Variants in TENM2 observed in about 807,000 individuals in gnomAD.
The protein encoded by TENM2 is teneurin-2.
A neutral mutation model predicts 245.2 loss-of-function variants in TENM2; 52 were observed. That is an observed-to-expected ratio of 0.21 (90% CI 0.17 to 0.27). TENM2 has a LOEUF of 0.27. TENM2 is among the 10% of genes least tolerant of loss of function. TENM2 has a pLI of 1.00. For synonymous variants in TENM2, 1,363 were observed against 1,438.9 expected (o/e 0.95, Z 1.19); for missense variants, 3,046 against 3,666.8 (o/e 0.83, Z 4.37).
intron 2 of TENM2, among the ~76,000 whole-genome samples, chr5:167,694,266 T>C (rs1311137799): frequency 2.0e-5 from 3 of 152,132 alleles, no homozygotes; most frequent in African/African-American, 7.2e-5. Flanking sequence ...TGGCCTTATG[T>C]TGGAAGCACC....
intron 1 of TENM2, among the ~76,000 whole-genome samples, chr5:167,313,983 G>T (rs1756198871): frequency 6.6e-6 from 1 of 152,088 alleles, no homozygotes; most frequent in South Asian, 2.1e-4. Flanking sequence ...TTCATGCTCA[G>T]CAAGACCCTC....
chr5:167,827,289 T>G (rs2151072240), intron 2 of TENM2, among the ~76,000 whole-genome samples: 1 of 152,328 alleles, frequency 6.6e-6, no homozygotes, highest in East Asian at 1.9e-4. Context: ...GCTCTTGGTT[T>G]GAGTCCTCAG....
At chr5:167,741,800 G>T (rs1016445802) in intron 2 of TENM2, among the ~76,000 whole-genome samples, 2 of 152,094 alleles carry the variant, frequency 1.3e-5, no homozygotes, top group Non-Finnish European at 2.9e-5. Context: ...CATTCCCAAT[G>T]TATCTAAAAG....
chr5:167,432,528 T>C (rs1368702330), intron 2 of TENM2, among the ~76,000 whole-genome samples: 3 of 151,828 alleles, frequency 2.0e-5, no homozygotes, highest in Non-Finnish European at 2.9e-5. Context: ...ACGCTTATTT[T>C]ATTTTGATTC....
chr5:168,035,496 CAA>C (rs397949588), intron 5 of TENM2, among the ~76,000 whole-genome samples: 38 of 69,208 alleles, frequency 5.5e-4, no homozygotes, highest in Admixed American at 9.7e-4. Flanking sequence ...GACCCTGTCT[CAA>C]AAAAAAAAAA....
At chr5:167,240,193 T>C in the TENM2 span, among the ~76,000 whole-genome samples, 1 of 152,256 alleles carries the variant, frequency 6.6e-6, no homozygotes, top group South Asian at 2.1e-4. Context: ...CATGACTAAA[T>C]AATATGAACA....
intron 2 of TENM2, among the ~76,000 whole-genome samples, chr5:167,417,527 T>C (rs1436708425): frequency 6.6e-6 from 1 of 152,212 alleles, no homozygotes; most frequent in Non-Finnish European, 1.5e-5. Flanking sequence ...CTCTCCTCTA[T>C]CTTACCCTTT....
intron 2 of TENM2, among the ~76,000 whole-genome samples, chr5:167,704,195 G>A (rs930671161): frequency 2.6e-5 from 4 of 152,116 alleles, no homozygotes; most frequent in Non-Finnish European, 5.9e-5. Flanking sequence ...TAGCTGGAGG[G>A]AGGATGCATC....
intron 2 of TENM2, among the ~76,000 whole-genome samples, chr5:167,584,838 G>A (rs11742457): frequency 0.52 from 79,684 of 151,808 alleles, 24,256 homozygotes; most frequent in Middle Eastern, 0.67. Flanking sequence ...GGGACTACAG[G>A]CGCCCGCCAC....
chr5:167,023,575 T>C, the TENM2 span, among the ~76,000 whole-genome samples: 1 of 152,234 alleles, frequency 6.6e-6, no homozygotes, highest in African/African-American at 2.4e-5. Context: ...CATTCTTTTG[T>C]TCCTGTATCT....
chr5:167,754,393 G>T (rs545853283), intron 2 of TENM2, among the ~76,000 whole-genome samples: 1 of 152,156 alleles, frequency 6.6e-6, no homozygotes, highest in Non-Finnish European at 1.5e-5. Flanking sequence ...TTTCACAACA[G>T]GTAGTTAAAA....
At chr5:167,463,734 G>A (rs1028449433) in intron 2 of TENM2, among the ~76,000 whole-genome samples, 18 of 152,220 alleles carry the variant, frequency 1.2e-4, no homozygotes, top group African/African-American at 3.9e-4. Context: ...GGCCTCAGGC[G>A]ATCTGCCTGC....
chr5:167,394,270 C>A (rs1315548939), intron 2 of TENM2, among the ~76,000 whole-genome samples: 1 of 152,062 alleles, frequency 6.6e-6, no homozygotes, highest in African/African-American at 2.4e-5. Context: ...CATTTTAAGT[C>A]TGTAATCATT....
the TENM2 span, among the ~76,000 whole-genome samples, chr5:167,262,621 G>C: frequency 1.3e-5 from 2 of 152,108 alleles, no homozygotes; most frequent in African/African-American, 4.8e-5. Flanking sequence ...CTTAGTAGCT[G>C]CTTAGCAAAC....
intron 5 of TENM2, among the ~76,000 whole-genome samples, chr5:168,042,826 C>T (rs888299535): frequency 5.9e-5 from 9 of 152,110 alleles, no homozygotes; most frequent in African/African-American, 1.9e-4. Flanking sequence ...TCCAATTAGC[C>T]GGAGGGATAC....
chr5:167,499,886 G>A (rs1183769979), intron 2 of TENM2, among the ~76,000 whole-genome samples: 2 of 150,990 alleles, frequency 1.3e-5, no homozygotes, highest in African/African-American at 4.9e-5. Flanking sequence ...ATATGTGTGT[G>A]TGTGTATATG....
At chr5:167,276,349 ATT>A in the TENM2 span, among the ~76,000 whole-genome samples, 8,288 of 62,500 alleles carry the variant, frequency 0.13, 374 homozygotes, top group Admixed American at 0.31. Flanking sequence ...GAGCCTGTTC[ATT>A]TTGTGTGTGT....
At chr5:166,980,258 T>C in the TENM2 span, among the ~76,000 whole-genome samples, 2 of 152,074 alleles carry the variant, frequency 1.3e-5, no homozygotes, top group African/African-American at 2.4e-5. Context: ...AAGAGGGAGA[T>C]TGCTGGTACT....
At chr5:167,897,638 A>G (rs1356662698) in intron 3 of TENM2, among the ~76,000 whole-genome samples, 1 of 152,218 alleles carries the variant, frequency 6.6e-6, no homozygotes, top group Non-Finnish European at 1.5e-5. Context: ...ATGAAGGAAG[A>G]GAAACCGCAT....
Sources: allele counts gnomAD v4.1 joint callset (sites outside exome capture counted in the v4.1 genomes callset), GRCh38; gene constraint gnomAD v4.1.1; transcripts MANE v1.5; gene names NCBI Gene and HGNC (gene_info 2026-07-23, HGNC 2026-07-21).